The following MYO3B variants were observed in gnomAD, a reference collection of about 807,000 sequenced individuals.
The protein encoded by MYO3B is myosin-IIIb.
MYO3B carries 156 observed loss-of-function variants against 174.6 expected under a neutral mutation model. That is an observed-to-expected ratio of 0.89 (90% CI 0.78 to 1.02). The LOEUF is 1.02. MYO3B is among the 50% of genes least tolerant of loss of function. The pLI, the probability that MYO3B is intolerant of heterozygous loss-of-function variation, is 0.00. For missense variants in MYO3B, 1,632 were observed against 1,639.4 expected (o/e 1.00, Z 0.08); for synonymous variants, 563 against 569.1 (o/e 0.99, Z 0.15).
chr2:170,514,924 A>T lies in MYO3B; in HGVS notation c.3374A>T (p.Asp1125Val). 2 of 1,613,444 alleles carry T rather than the reference A, an allele frequency of 1.2e-6. No homozygotes were observed. The highest frequency in any genetic ancestry group is 1.1e-5 in the South Asian group (1 of 90,848). ...NESAAHNQAG[D>V]TSNQSSGPHS... ...GTCTTTTTGTTTCATTCCACAGGGG[A>T]CACTTCAAACCAAAGCAGTGGGCCA... is the stretch of plus-strand genomic sequence containing the variant. The change falls in exon 29 of 35, where the codon GAC (aspartate) becomes GTC (valine). Residue 1125 changes from aspartate (D) to valine (V), a missense_variant. Coordinates refer to ENST00000408978, the MANE Select transcript of MYO3B (RefSeq NM_138995.5).
chr2:170,390,783 C>A (rs1426044402), intron 14 of MYO3B, among the ~76,000 whole-genome samples: 1 of 152,134 alleles, frequency 6.6e-6, no homozygotes. Context: ...AAATCTCCAA[C>A]CCATTTTGAA....
At chr2:170,651,486 C>T (rs1699007572) in intron 32 of MYO3B, 142 bp from the exon 33 acceptor site, 4 of 649,928 alleles carry the variant, frequency 6.2e-6, no homozygotes, top group African/African-American at 1.8e-5. Flanking sequence ...GATGGCATTT[C>T]TCCTAATATT....
At chr2:170,641,921 G>GT (rs1698002574) in intron 32 of MYO3B, among the ~76,000 whole-genome samples, 1 of 130,118 alleles carries the variant, frequency 7.7e-6, no homozygotes, top group South Asian at 2.5e-4. Flanking sequence ...GAATTTTTTA[G>GT]TTAAAAAAAA....
intron 3 of MYO3B, among the ~76,000 whole-genome samples, chr2:170,204,088 C>T (rs1418398617): frequency 2.6e-5 from 4 of 152,130 alleles, no homozygotes; most frequent in African/African-American, 9.7e-5. Context: ...GATAGAAACT[C>T]TAGGGTTTCA....
intron 32 of MYO3B, among the ~76,000 whole-genome samples, chr2:170,566,602 C>A (rs1245414591): frequency 6.6e-6 from 1 of 152,098 alleles, no homozygotes; most frequent in Non-Finnish European, 1.5e-5. Flanking sequence ...ACATTTTTCA[C>A]TGATCACTTT....
At chr2:170,576,585 G>A (rs1020356300) in intron 32 of MYO3B, among the ~76,000 whole-genome samples, 3 of 152,232 alleles carry the variant, frequency 2.0e-5, no homozygotes, top group Admixed American at 1.3e-4. Flanking sequence ...CACAGAGCAT[G>A]AGGCTATGAG....
At chr2:170,512,994 G>T (rs964573269) in intron 28 of MYO3B, among the ~76,000 whole-genome samples, 1 of 152,112 alleles carries the variant, frequency 6.6e-6, no homozygotes, top group African/African-American at 2.4e-5. Flanking sequence ...TTTGCAAAGG[G>T]CTGAGAACAA....
At chr2:170,551,717 T>C (rs1227596835) in intron 32 of MYO3B, among the ~76,000 whole-genome samples, 2 of 152,154 alleles carry the variant, frequency 1.3e-5, no homozygotes, top group Non-Finnish European at 2.9e-5. Flanking sequence ...CATATACTTT[T>C]TCTGTTTTGC....
At chr2:170,489,636 T>G (rs35264340) in intron 25 of MYO3B, among the ~76,000 whole-genome samples, 2,030 of 131,150 alleles carry the variant, frequency 0.015, 20 homozygotes, top group Non-Finnish European at 0.017. Context: ...CCAGTAGGGG[T>G]GTGTGTGTGT....
At chr2:170,521,962 T>C (rs1374145173) in intron 30 of MYO3B, among the ~76,000 whole-genome samples, 1 of 152,236 alleles carries the variant, frequency 6.6e-6, no homozygotes, top group Non-Finnish European at 1.5e-5. Context: ...CCATGGGCCA[T>C]GCGTGCTTTC....
At chr2:170,203,166 C>G (rs147575502) in intron 3 of MYO3B, among the ~76,000 whole-genome samples, 1 of 152,164 alleles carries the variant, frequency 6.6e-6, no homozygotes, top group East Asian at 1.9e-4. Flanking sequence ...CGCCTTTCAC[C>G]TAGATGATAT....
intron 9 of MYO3B, among the ~76,000 whole-genome samples, chr2:170,370,371 A>G (rs1049769713): frequency 1.3e-5 from 2 of 152,058 alleles, no homozygotes; most frequent in African/African-American, 2.4e-5. Context: ...AGGTGACTAT[A>G]TTTTGCTGAT....
At chr2:170,334,424 T>G (rs1476224757) in intron 7 of MYO3B, 3 of 152,208 alleles carry the variant, frequency 2.0e-5, no homozygotes, top group African/African-American at 7.2e-5. Context: ...TTCCCATTCC[T>G]CTGCCTATTG....
chr2:170,301,563 T>A (rs871697), intron 7 of MYO3B, among the ~76,000 whole-genome samples: 7,903 of 152,226 alleles, frequency 0.052, 363 homozygotes, highest in Middle Eastern at 0.15. Flanking sequence ...GGCTGGAAGG[T>A]GAAAGAGGCA....
chr2:170,186,041 T>C (rs559862861), intron 1 of MYO3B, among the ~76,000 whole-genome samples: 2 of 152,226 alleles, frequency 1.3e-5, no homozygotes, highest in South Asian at 4.1e-4. Flanking sequence ...AATAGTGTTT[T>C]GGTTTTTCCA....
intron 22 of MYO3B, chr2:170,411,758 C>G (rs1463771956): frequency 6.6e-6 from 1 of 152,212 alleles, no homozygotes; most frequent in Non-Finnish European, 1.5e-5. Flanking sequence ...AATAAGGAGG[C>G]CCAAGGTCAC....
chr2:170,590,939 A>G (rs927010545), intron 32 of MYO3B, among the ~76,000 whole-genome samples: 5 of 152,176 alleles, frequency 3.3e-5, no homozygotes, highest in African/African-American at 1.2e-4. Context: ...CTTAGAGTCA[A>G]TTACCTTGAG....
intron 30 of MYO3B, among the ~76,000 whole-genome samples, chr2:170,540,908 C>T (rs960509346): frequency 1.3e-5 from 2 of 151,754 alleles, no homozygotes; most frequent in South Asian, 4.2e-4. Flanking sequence ...TTAAAGTTGC[C>T]GGAAAGCCTC....
intron 1 of MYO3B, among the ~76,000 whole-genome samples, chr2:170,184,990 G>C (rs2355342): frequency 6.6e-6 from 1 of 151,858 alleles, no homozygotes; most frequent in African/African-American, 2.4e-5. Context: ...AGAAATATCT[G>C]TTTAGGTCAT....
Sources: gnomAD v4.1 joint callset for allele counts (sites outside exome capture counted in the v4.1 genomes callset) on GRCh38, gnomAD v4.1.1 for gene constraint, MANE v1.5 for transcripts, NCBI Gene and HGNC (gene_info 2026-07-23, HGNC 2026-07-21) for gene names.